The following DNM3 variants were observed in gnomAD, a reference collection of about 807,000 sequenced individuals.
DNM3 encodes dynamin-3.
A neutral mutation model predicts 101.6 loss-of-function variants in DNM3; 47 were observed. That is an observed-to-expected ratio of 0.46 (90% CI 0.37 to 0.59). DNM3 has a LOEUF of 0.59. Among genes scored for constraint, DNM3 ranks in the 20% least tolerant of loss-of-function variants. The pLI is 0.00. For synonymous variants in DNM3, 385 were observed against 387.9 expected (o/e 0.99, Z 0.09); for missense variants, 849 against 1,085.7 (o/e 0.78, Z 3.06).
At chr1:171,866,985 A>G (rs75310136) in intron 1 of DNM3, among the ~76,000 whole-genome samples, 3,003 of 152,282 alleles carry the variant, frequency 0.02, 95 homozygotes, top group African/African-American at 0.067. Flanking sequence ...TTTAGGTCGT[A>G]TTTTAAAAGT....
intron 1 of DNM3, among the ~76,000 whole-genome samples, chr1:171,845,005 G>A (rs1435104079): frequency 6.6e-6 from 1 of 152,084 alleles, no homozygotes; most frequent in Non-Finnish European, 1.5e-5. Flanking sequence ...ACCCCAAAGA[G>A]GTAGGTACTC....
At chr1:172,223,267 CT>C (rs2060977185) in intron 14 of DNM3, among the ~76,000 whole-genome samples, 1 of 146,826 alleles carries the variant, frequency 6.8e-6, no homozygotes, top group Non-Finnish European at 1.5e-5. Flanking sequence ...TTTCTTTTTT[CT>C]TTTCTTTTTT....
At chr1:171,972,575 C>T (rs1458697074) in intron 2 of DNM3, among the ~76,000 whole-genome samples, 4 of 152,148 alleles carry the variant, frequency 2.6e-5, no homozygotes, top group Non-Finnish European at 4.4e-5. Context: ...CTAGGCTTGG[C>T]GCAGTGGCTT....
intron 9 of DNM3, among the ~76,000 whole-genome samples, chr1:172,048,249 T>C (rs1016756805): frequency 2.0e-5 from 3 of 152,292 alleles, no homozygotes; most frequent in Non-Finnish European, 4.4e-5. Context: ...AATGGATAAA[T>C]TGTATAATCT....
chr1:172,038,437 C>G lies in DNM3; in HGVS notation c.968C>G (p.Thr323Arg). Residue 323 changes from threonine (T) to arginine (R), a missense_variant, in exon 7 of 21, where the codon ACA (threonine) becomes AGA (arginine). Transcript: ENST00000627582. ...AYKNFKPEDP[T>R]RKTKALLQMV... ...AAAAATTTCAAACCAGAAGACCCAA[C>G]AAGGAAGACCAAAGCATTGCTGCAG... The G allele has an allele frequency of 6.2e-7, 1 of 1,613,238 alleles. No homozygotes were observed. Among genetic ancestry groups the G allele is most frequent in the Non-Finnish European group, 8.5e-7 (1 of 1,179,420 alleles).
intron 14 of DNM3, among the ~76,000 whole-genome samples, chr1:172,243,842 G>A (rs1298671178): frequency 6.6e-6 from 1 of 152,078 alleles, no homozygotes; most frequent in Non-Finnish European, 1.5e-5. Context: ...TTTCATACTT[G>A]TACATCTCTA....
Position 172,372,170 on chromosome 1 carries a change from G to T in DNM3, c.1894-6848G>T, listed in dbSNP as rs1254422999. Among the ~76,000 whole-genome samples, 7 of 147,308 alleles carry T rather than the reference G, an allele frequency of 4.8e-5. No homozygotes were observed. The Admixed American group carries it at 4.9e-4, about 10-fold the overall frequency. Reference sequence around the variant, plus strand: ...TAGGAGTGAGAATATGCGGTGTTTGGTTTTTTGTTCTTGCGATAGTTTACT... The same window carrying T: ...TAGGAGTGAGAATATGCGGTGTTTGTTTTTTTGTTCTTGCGATAGTTTACT... On this transcript the variant is annotated intron_variant, in intron 17 of 20. Coordinates refer to ENST00000627582, the MANE Select transcript of DNM3 (RefSeq NM_015569.5).
At chr1:172,159,499 A>T (rs1161304107) in intron 14 of DNM3, among the ~76,000 whole-genome samples, 3 of 152,064 alleles carry the variant, frequency 2.0e-5, no homozygotes, top group Non-Finnish European at 2.9e-5. Context: ...TTAGCTTTCA[A>T]ATGTGAATGA....
chr1:172,073,135 G>A (rs1429821238), intron 11 of DNM3, among the ~76,000 whole-genome samples: 1 of 151,788 alleles, frequency 6.6e-6, no homozygotes, highest in African/African-American at 2.4e-5. Context: ...AATAAGTATA[G>A]GGTGCTATAT....
chr1:171,963,419 T>C (rs2043346258), intron 2 of DNM3, among the ~76,000 whole-genome samples: 1 of 152,024 alleles, frequency 6.6e-6, no homozygotes, highest in Non-Finnish European at 1.5e-5. Flanking sequence ...TTTAGGGCAA[T>C]GAAAATACTC....
chr1:172,131,120 T>A, intron 13 of DNM3, 55 bp from the exon 14 acceptor site: 1 of 1,480,916 alleles, frequency 6.8e-7, no homozygotes, highest in Non-Finnish European at 9.4e-7. Flanking sequence ...AGACATCTAA[T>A]CTCCAGTGGC....
chr1:172,243,884 C>A (rs2061841334), intron 14 of DNM3, among the ~76,000 whole-genome samples: 1 of 151,886 alleles, frequency 6.6e-6, no homozygotes, highest in African/African-American at 2.4e-5. Flanking sequence ...TATTATTATA[C>A]TTTAAGTTTT....
chr1:171,847,894 CTCTG>C (rs1194972557), intron 1 of DNM3, among the ~76,000 whole-genome samples: 6 of 139,700 alleles, frequency 4.3e-5, no homozygotes, highest in Non-Finnish European at 9.4e-5. Flanking sequence ...CTCTCTCTCT[CTCTG>C]TGTGTGTGTG....
intron 15 of DNM3, among the ~76,000 whole-genome samples, chr1:172,280,907 G>C (rs1244135161): frequency 6.6e-6 from 1 of 152,114 alleles, no homozygotes; most frequent in Admixed American, 6.6e-5. Context: ...ATTGTAAATG[G>C]GTGAAAGGAC....
intron 4 of DNM3, among the ~76,000 whole-genome samples, chr1:172,010,970 T>C (rs921757198): frequency 4.0e-5 from 6 of 151,856 alleles, no homozygotes; most frequent in Non-Finnish European, 8.8e-5. Flanking sequence ...TCTAGTGGTT[T>C]TTGGTTGAAT....
At chr1:171,933,394 T>C (rs1482029786) in intron 2 of DNM3, among the ~76,000 whole-genome samples, 1 of 152,184 alleles carries the variant, frequency 6.6e-6, no homozygotes. Context: ...TATTGAATGA[T>C]TACTAGGTGC....
chr1:172,417,503 A>G (rs1457364697), downstream of DNM3, among the ~76,000 whole-genome samples: 1 of 152,148 alleles, frequency 6.6e-6, no homozygotes, highest in Non-Finnish European at 1.5e-5. Flanking sequence ...GGAAATGGAG[A>G]AAGATCCAGC....
chr1:172,183,866 C>T (rs1004149472), intron 14 of DNM3, among the ~76,000 whole-genome samples: 7 of 148,220 alleles, frequency 4.7e-5, no homozygotes, highest in African/African-American at 1.7e-4. Flanking sequence ...CCTTAGCCTC[C>T]CAAAGTGCTG....
At position 171,944,855 on chromosome 1, in the gene DNM3, C is replaced by CTTT. The variant is rs71561600; in HGVS notation, c.235+23058_235+23060dup. On this transcript the variant is annotated intron_variant, in intron 2 of 20. Transcript: ENST00000627582. ...TTGTTTTCTTTTTTTTTGGTGTTTCCTTTTTTTTTTTTTTTTTTTTTTTTT... is the reference window on the plus strand; with the variant it reads ...TTGTTTTCTTTTTTTTTGGTGTTTCCTTTTTTTTTTTTTTTTTTTTTTTTTTTT... 2.8e-3 allele frequency among the ~76,000 whole-genome samples: 243 copies of CTTT among 87,272 alleles called. 70 individuals are homozygous for CTTT. Among genetic ancestry groups the CTTT allele is most frequent in the African/African-American group, 4.1e-3 (81 of 19,776 alleles). 57.3% of individuals were successfully genotyped at this position (87,272 alleles called of 152,430 possible).
Sources: gnomAD v4.1 joint callset for allele counts (sites outside exome capture counted in the v4.1 genomes callset) on GRCh38, gnomAD v4.1.1 for gene constraint, MANE v1.5 for transcripts, NCBI Gene and HGNC (gene_info 2026-07-23, HGNC 2026-07-21) for gene names.